OPCML: variants seen among roughly 807,000 people sequenced by gnomAD.
OPCML encodes opioid-binding protein/cell adhesion molecule.
In OPCML, 13 loss-of-function variants were observed where a neutral mutation model predicts 37.8. The ratio of observed to expected loss-of-function variants is 0.34; its 90% confidence interval spans 0.22 to 0.55. The LOEUF (loss-of-function observed/expected upper bound fraction) is 0.55, where lower values mean the gene tolerates loss of function less well. OPCML is among the 20% of genes least tolerant of loss of function. The probability of loss-of-function intolerance (pLI) is 0.91; values close to 1 mark genes in which losing one functional copy is unlikely to be tolerated. For synonymous variants in OPCML, 176 were observed against 168.8 expected (o/e 1.04, Z -0.33); for missense variants, 341 against 435.6 (o/e 0.78, Z 1.93).
At chr11:133,171,002 T>C (rs967505346) in intron 1 of OPCML, among the ~76,000 whole-genome samples, 2 of 152,212 alleles carry the variant, frequency 1.3e-5, no homozygotes, top group East Asian at 1.9e-4. Flanking sequence ...GGATCCCAGA[T>C]AGACTGTAGG....
chr11:133,495,968 C>T (rs1480901794), intron 1 of OPCML, among the ~76,000 whole-genome samples: 1 of 152,116 alleles, frequency 6.6e-6, no homozygotes, highest in African/African-American at 2.4e-5. Flanking sequence ...GTCATGAAAA[C>T]CTTGCCTAAG....
chr11:132,443,787 A>C (rs1275374306), intron 4 of OPCML, among the ~76,000 whole-genome samples: 1 of 152,232 alleles, frequency 6.6e-6, no homozygotes, highest in Non-Finnish European at 1.5e-5. Flanking sequence ...TGATATGTGC[A>C]GGGAAAGGTA....
At chr11:132,866,271 C>T (rs150231584) in intron 2 of OPCML, among the ~76,000 whole-genome samples, 35 of 152,258 alleles carry the variant, frequency 2.3e-4, no homozygotes, top group African/African-American at 8.4e-4. Context: ...GCCATTTGTT[C>T]AGGTAAATTC....
intron 7 of OPCML, among the ~76,000 whole-genome samples, chr11:132,434,161 C>A (rs1176367545): frequency 3.3e-5 from 5 of 152,130 alleles, no homozygotes; most frequent in Non-Finnish European, 5.9e-5. Context: ...CCACCCTATC[C>A]TCTCAGTGTT....
At chr11:133,459,360 CA>C (rs564579676) in intron 1 of OPCML, among the ~76,000 whole-genome samples, 1 of 151,950 alleles carries the variant, frequency 6.6e-6, no homozygotes, top group African/African-American at 2.4e-5. Flanking sequence ...AACAAAATGT[CA>C]AAAAGTGTCC....
intron 3 of OPCML, among the ~76,000 whole-genome samples, chr11:132,638,186 T>TATATATATATATATACAC (rs71067383): frequency 8.4e-5 from 11 of 131,016 alleles, no homozygotes; most frequent in Non-Finnish European, 1.2e-4. Flanking sequence ...TATATATATA[T>TATATATATATATATACAC]ACAGAGAGAG....
At chr11:132,481,076 T>G (rs1172660836) in intron 4 of OPCML, among the ~76,000 whole-genome samples, 3 of 152,170 alleles carry the variant, frequency 2.0e-5, no homozygotes, top group Admixed American at 2.0e-4. Context: ...TAAACAATAT[T>G]AACTTTAAAT....
At chr11:132,595,946 T>G (rs2096491790) in intron 3 of OPCML, among the ~76,000 whole-genome samples, 1 of 152,230 alleles carries the variant, frequency 6.6e-6, no homozygotes, top group African/African-American at 2.4e-5. Context: ...GTACTTACCC[T>G]CTATTGTATT....
intron 1 of OPCML, among the ~76,000 whole-genome samples, chr11:133,228,877 A>G (rs1249657457): frequency 6.6e-6 from 1 of 152,230 alleles, no homozygotes; most frequent in East Asian, 1.9e-4. Flanking sequence ...GTTTAAAGTG[A>G]CAGCCCTTAA....
chr11:132,554,987 A>G (rs536398567), intron 3 of OPCML, among the ~76,000 whole-genome samples: 1 of 150,440 alleles, frequency 6.6e-6, no homozygotes, highest in Admixed American at 6.7e-5. Context: ...ACTATCCTAA[A>G]AAGTCCTTAG....
In OPCML at chr11:133,462,073, A is replaced by G. The variant is rs563661524; in HGVS notation, c.61+70191T>C. On this transcript the variant is annotated intron_variant, in intron 1 of 7. Transcript: ENST00000524381. Reference sequence around the variant, plus strand: ...AAAAGTTTGAGAAAACTAGATATTCATATGCAAAATATGAAATTCAACCCT... The same window carrying G: ...AAAAGTTTGAGAAAACTAGATATTCGTATGCAAAATATGAAATTCAACCCT... 2.6e-5 allele frequency among the ~76,000 whole-genome samples: 4 copies of G among 152,178 alleles called. No individual in the cohort carries two copies. The East Asian group carries it at 5.8e-4, about 22-fold the overall frequency.
Position 132,632,526 on chromosome 11 carries a change from G to C in OPCML, c.379+24561C>G, listed in dbSNP as rs573051970. ...GGAGCAGGGACTTCAAGTGATGTCTGTCTCTCTCCAGTGGCTCTATGATTC... is the reference window on the plus strand; with the variant it reads ...GGAGCAGGGACTTCAAGTGATGTCTCTCTCTCTCCAGTGGCTCTATGATTC... On this transcript the variant is annotated intron_variant, in intron 3 of 7. Coordinates refer to ENST00000524381, the MANE Select transcript of OPCML (RefSeq NM_001012393.5). Among the ~76,000 whole-genome samples, 32 of 152,142 alleles carry C rather than the reference G, an allele frequency of 2.1e-4. No homozygotes were observed. In the South Asian group the frequency reaches 2.9e-3, roughly 14 times the overall value.
intron 1 of OPCML, among the ~76,000 whole-genome samples, chr11:133,218,803 T>G (rs1318057632): frequency 6.6e-6 from 1 of 152,110 alleles, no homozygotes; most frequent in African/African-American, 2.4e-5. Context: ...GTCTCAGAGG[T>G]CTTTGGAATT....
At chr11:133,076,006 C>A (rs1417199057) in intron 1 of OPCML, among the ~76,000 whole-genome samples, 3 of 152,200 alleles carry the variant, frequency 2.0e-5, no homozygotes, top group African/African-American at 7.2e-5. Flanking sequence ...GTCTCTCCCT[C>A]TCCCATGTAC....
intron 2 of OPCML, among the ~76,000 whole-genome samples, chr11:132,754,786 G>T (rs1945978200): frequency 6.6e-6 from 1 of 152,116 alleles, no homozygotes; most frequent in Admixed American, 6.5e-5. Context: ...TGCTAGAAAG[G>T]GTGATGTGCT....
intron 1 of OPCML, among the ~76,000 whole-genome samples, chr11:132,997,172 A>G (rs1946903560): frequency 6.6e-6 from 1 of 152,178 alleles, no homozygotes; most frequent in South Asian, 2.1e-4. Context: ...CCTGGGAGAT[A>G]GCCATCACTC....
chr11:133,150,227 C>A (rs1036057108), intron 1 of OPCML, among the ~76,000 whole-genome samples: 1 of 152,208 alleles, frequency 6.6e-6, no homozygotes, highest in East Asian at 1.9e-4. Flanking sequence ...GTAATAATCA[C>A]AAAGTCTAAT....
intron 2 of OPCML, among the ~76,000 whole-genome samples, chr11:132,890,833 G>T (rs1376801062): frequency 1.4e-5 from 2 of 147,144 alleles, no homozygotes; most frequent in Non-Finnish European, 3.0e-5. Flanking sequence ...CTCCAGCTTG[G>T]GTGACAGAGC....
In OPCML at chr11:133,392,998, GCT is replaced by G. The variant is rs1390672881; in HGVS notation, c.61+139264_61+139265del. 2.0e-5 allele frequency among the ~76,000 whole-genome samples: 3 copies of G among 150,842 alleles called. No homozygotes were observed. The East Asian group carries it at 5.9e-4, about 29-fold the overall frequency. On this transcript the variant is annotated intron_variant, in intron 1 of 7. Transcript: ENST00000524381. ...GGCAATGCCCTGCCTTCTTGTTTCA[GCT>G]CTTATATTATAAACACTTCCTTCTC...
Sources: gnomAD v4.1 joint callset for allele counts (sites outside exome capture counted in the v4.1 genomes callset) on GRCh38, gnomAD v4.1.1 for gene constraint, MANE v1.5 for transcripts, NCBI Gene and HGNC (gene_info 2026-07-23, HGNC 2026-07-21) for gene names.